Variants in HYCC1 observed in about 807,000 individuals in gnomAD.
The protein encoded by HYCC1 is hyccin.
the HYCC1 span, chr7:22,983,961 G>T: frequency 1.3e-6 from 2 of 1,594,564 alleles, no homozygotes; most frequent in Non-Finnish European, 1.7e-6. Context: ...TGTGGCTCCT[G>T]GATAACTTTA....
the HYCC1 span, among the ~76,000 whole-genome samples, chr7:22,987,082 A>T: frequency 3.3e-5 from 5 of 152,194 alleles, no homozygotes; most frequent in African/African-American, 4.8e-5. Context: ...CAGAAAATTT[A>T]AAAAAATCAG....
chr7:22,977,425 T>C, the HYCC1 span: 12 of 1,515,182 alleles, frequency 7.9e-6, no homozygotes, highest in African/African-American at 5.5e-5. Flanking sequence ...CTATTTCCTA[T>C]AGAAGTGAAA....
the HYCC1 span, among the ~76,000 whole-genome samples, chr7:22,950,247 A>G: frequency 1.3e-5 from 2 of 151,992 alleles, no homozygotes; most frequent in African/African-American, 4.8e-5. Context: ...CAAAGTTTTA[A>G]TAGCCCCCAC....
the HYCC1 span, among the ~76,000 whole-genome samples, chr7:22,920,821 G>A: frequency 6.6e-6 from 1 of 152,198 alleles, no homozygotes; most frequent in Admixed American, 6.5e-5. Context: ...GGGGCCTGGT[G>A]ACAGCTGAGT....
chr7:22,907,453 A>G, the HYCC1 span, among the ~76,000 whole-genome samples: 1 of 152,202 alleles, frequency 6.6e-6, no homozygotes, highest in Non-Finnish European at 1.5e-5. Flanking sequence ...CTGTTAGGAG[A>G]GTGAACAACT....
At chr7:22,960,448 T>A in the HYCC1 span, 1 of 1,561,724 alleles carries the variant, frequency 6.4e-7, no homozygotes, top group South Asian at 1.1e-5. Context: ...AAGATCAACA[T>A]GAGCAGATAG....
chr7:22,939,145 T>C, the HYCC1 span: 1 of 152,226 alleles, frequency 6.6e-6, no homozygotes, highest in East Asian at 1.9e-4. Context: ...TATTCCTCTA[T>C]TAACAGACAT....
chr7:22,980,805 C>CA, the HYCC1 span, among the ~76,000 whole-genome samples: 2 of 152,090 alleles, frequency 1.3e-5, no homozygotes, highest in Non-Finnish European at 2.9e-5. Context: ...GTAGGTCTTT[C>CA]AAAAAACAGC....
the HYCC1 span, among the ~76,000 whole-genome samples, chr7:22,966,384 C>T: frequency 3.9e-5 from 6 of 152,230 alleles, no homozygotes; most frequent in East Asian, 1.2e-3. Context: ...CTCTGCCTAC[C>T]AGGTTCAAGC....
chr7:22,974,193 G>A, the HYCC1 span, among the ~76,000 whole-genome samples: 1 of 152,082 alleles, frequency 6.6e-6, no homozygotes, highest in Admixed American at 6.5e-5. Context: ...ATAGTGAAAC[G>A]AAAAGCAAGG....
At chr7:22,950,480 A>C in the HYCC1 span, among the ~76,000 whole-genome samples, 1 of 152,156 alleles carries the variant, frequency 6.6e-6, no homozygotes, top group East Asian at 1.9e-4. Flanking sequence ...TTCTGTTATG[A>C]GATTAAATTA....
the HYCC1 span, among the ~76,000 whole-genome samples, chr7:22,931,283 C>G: frequency 6.7e-6 from 1 of 148,806 alleles, no homozygotes; most frequent in African/African-American, 2.5e-5. Flanking sequence ...ACCAGCCTGT[C>G]ACCACTACGA....
chr7:22,961,129 CTGAG>C, the HYCC1 span: 18 of 728,476 alleles, frequency 2.5e-5, no homozygotes, highest in Middle Eastern at 3.3e-4. Context: ...CATGAATACA[CTGAG>C]TATTAATGAC....
chr7:22,916,983 G>A, the HYCC1 span, among the ~76,000 whole-genome samples: 2 of 152,180 alleles, frequency 1.3e-5, no homozygotes, highest in Non-Finnish European at 2.9e-5. Flanking sequence ...CATCATTAAT[G>A]CCTCTTTAAT....
At chr7:22,907,078 C>A in the HYCC1 span, among the ~76,000 whole-genome samples, 31 of 123,654 alleles carry the variant, frequency 2.5e-4, no homozygotes, top group East Asian at 5.9e-3. Context: ...GCACTCCAGC[C>A]TGGGTGACAG....
At chr7:22,918,493 C>T in the HYCC1 span, among the ~76,000 whole-genome samples, 1 of 152,030 alleles carries the variant, frequency 6.6e-6, no homozygotes, top group Non-Finnish European at 1.5e-5. Context: ...AAATTTTTGC[C>T]ACCCCAACAC....
chr7:23,007,939 C>A, the HYCC1 span, among the ~76,000 whole-genome samples: 1 of 151,976 alleles, frequency 6.6e-6, no homozygotes, highest in Non-Finnish European at 1.5e-5. Flanking sequence ...CCTTAACATA[C>A]CATAAATAAA....
chr7:22,901,221 CAAAAAAAAAA>C, the HYCC1 span, among the ~76,000 whole-genome samples: 65 of 21,536 alleles, frequency 3.0e-3, 1 homozygote, highest in African/African-American at 0.014. Context: ...GACCCTGTCT[CAAAAAAAAAA>C]AAAAAAAAAA....
chr7:22,927,585 A>T, the HYCC1 span, among the ~76,000 whole-genome samples: 1 of 152,240 alleles, frequency 6.6e-6, no homozygotes, highest in Non-Finnish European at 1.5e-5. Flanking sequence ...GAAGATCTAG[A>T]AGAAATGGAT....
Sources: gnomAD v4.1 joint callset for allele counts (sites outside exome capture counted in the v4.1 genomes callset) on GRCh38, gnomAD v4.1.1 for gene constraint, MANE v1.5 for transcripts, NCBI Gene and HGNC (gene_info 2026-07-23, HGNC 2026-07-21) for gene names.